The following WWOX variants were observed in gnomAD, a reference collection of about 807,000 sequenced individuals.
WWOX encodes the protein WW domain containing oxidoreductase.
Under a neutral mutation model 46.2 loss-of-function variants are expected in WWOX, and 69 were observed. The observed-to-expected ratio is 1.49, with a 90% CI of 1.23 to 1.82. The LOEUF (loss-of-function observed/expected upper bound fraction) is 1.82, where lower values mean the gene tolerates loss of function less well. Among genes scored for constraint, WWOX ranks in the 40% most tolerant of loss-of-function variants. The pLI, the probability that WWOX is intolerant of heterozygous loss-of-function variation, is 0.00. For synonymous variants in WWOX, 359 were observed against 202.6 expected (o/e 1.77, Z -6.56); for missense variants, 919 against 542.6 (o/e 1.69, Z -6.89).
At chr16:78,231,971 T>G (rs1171444640) in intron 5 of WWOX, among the ~76,000 whole-genome samples, 1 of 152,204 alleles carries the variant, frequency 6.6e-6, no homozygotes, top group Non-Finnish European at 1.5e-5. Context: ...CTGCCTGCTA[T>G]GGAGGTTAAG....
chr16:78,821,517 G>C (rs898709040), intron 8 of WWOX, among the ~76,000 whole-genome samples: 3 of 152,232 alleles, frequency 2.0e-5, no homozygotes, highest in Admixed American at 2.0e-4. Flanking sequence ...ACAGTGACCA[G>C]AGTGTTTGCA....
chr16:78,766,678 T>C (rs1296743881), intron 8 of WWOX, among the ~76,000 whole-genome samples: 1 of 152,220 alleles, frequency 6.6e-6, no homozygotes, highest in African/African-American at 2.4e-5. Context: ...TAATCAAGTT[T>C]GTTAGACTTG....
At chr16:78,829,211 C>T (rs1278250758) in intron 8 of WWOX, among the ~76,000 whole-genome samples, 1 of 152,116 alleles carries the variant, frequency 6.6e-6, no homozygotes, top group Non-Finnish European at 1.5e-5. Flanking sequence ...CGAATTGGCT[C>T]ACACAATTAT....
At chr16:78,434,977 A>G (rs1467549425) in intron 8 of WWOX, among the ~76,000 whole-genome samples, 2 of 152,216 alleles carry the variant, frequency 1.3e-5, no homozygotes, top group Non-Finnish European at 2.9e-5. Context: ...GTTGATTATT[A>G]TCTAATATTT....
intron 5 of WWOX, among the ~76,000 whole-genome samples, chr16:78,287,846 G>C (rs1170990060): frequency 6.6e-6 from 1 of 152,160 alleles, no homozygotes; most frequent in East Asian, 1.9e-4. Context: ...AAAGGCACAA[G>C]AACTGTTTCA....
intron 8 of WWOX, among the ~76,000 whole-genome samples, chr16:79,000,579 G>A (rs2047073618): frequency 6.6e-6 from 1 of 152,156 alleles, no homozygotes; most frequent in African/African-American, 2.4e-5. Flanking sequence ...AGGAATTCAG[G>A]CAGCGTCTAG....
intron 8 of WWOX, among the ~76,000 whole-genome samples, chr16:79,086,508 C>T (rs1468784285): frequency 6.6e-6 from 1 of 152,180 alleles, no homozygotes; most frequent in Non-Finnish European, 1.5e-5. Flanking sequence ...TTTGTCAGTA[C>T]AGTACTATCC....
chr16:78,714,358 A>C (rs2048515007), intron 8 of WWOX, among the ~76,000 whole-genome samples: 2 of 152,082 alleles, frequency 1.3e-5, no homozygotes, highest in Non-Finnish European at 2.9e-5. Flanking sequence ...GAGCCTTTGC[A>C]AGGGAACTGC....
At chr16:78,728,027 C>A (rs1322517538) in intron 8 of WWOX, among the ~76,000 whole-genome samples, 1 of 148,640 alleles carries the variant, frequency 6.7e-6, no homozygotes, top group South Asian at 2.1e-4. Context: ...ATAGATAACT[C>A]CCTTCCTCTT....
At chr16:79,091,218 A>G (rs913529039) in intron 8 of WWOX, among the ~76,000 whole-genome samples, 9 of 152,168 alleles carry the variant, frequency 5.9e-5, no homozygotes, top group Admixed American at 5.2e-4. Context: ...AACAAAACAA[A>G]CAATGTGAAC....
intron 8 of WWOX, among the ~76,000 whole-genome samples, chr16:78,540,016 T>TCACACACACACACA (rs748514681): frequency 2.3e-4 from 28 of 120,822 alleles, no homozygotes; most frequent in Admixed American, 2.0e-3. Context: ...TCTCTCTCTC[T>TCACACACACACACA]CTCTCACACA....
intron 5 of WWOX, among the ~76,000 whole-genome samples, chr16:78,334,808 G>GCGCGCGCGCGCACA (rs1555521509): frequency 1.3e-5 from 1 of 78,754 alleles, no homozygotes; most frequent in Non-Finnish European, 2.9e-5. Context: ...ACACACACAC[G>GCGCGCGCGCGCACA]CACACACACA....
At chr16:78,723,512 A>AC in intron 8 of WWOX, among the ~76,000 whole-genome samples, 1 of 108,232 alleles carries the variant, frequency 9.2e-6, no homozygotes, top group East Asian at 2.7e-4. Flanking sequence ...ATCTTCTACT[A>AC]CCTTCTTCTA....
chr16:78,422,660 C>CATATATATATATATATATATAT (rs1388283094), intron 6 of WWOX, among the ~76,000 whole-genome samples: 2 of 6,526 alleles, frequency 3.1e-4, no homozygotes, highest in Non-Finnish European at 1.2e-3. Context: ...GTTTTTTTTA[C>CATATATATATATATATATATAT]ATGTATATAT....
At chr16:79,144,107 C>T (rs937668975) in intron 8 of WWOX, among the ~76,000 whole-genome samples, 2 of 152,148 alleles carry the variant, frequency 1.3e-5, no homozygotes, top group African/African-American at 2.4e-5. Flanking sequence ...CTATGTTGCC[C>T]AGGCTTGTCT....
chr16:78,271,953 A>T (rs889369800), intron 5 of WWOX, among the ~76,000 whole-genome samples: 1 of 152,178 alleles, frequency 6.6e-6, no homozygotes, highest in African/African-American at 2.4e-5. Flanking sequence ...GGTCAGGCAG[A>T]TGGAGGTTCT....
chr16:78,540,529 A>G (rs1264016351), intron 8 of WWOX, among the ~76,000 whole-genome samples: 2 of 152,278 alleles, frequency 1.3e-5, no homozygotes, highest in South Asian at 2.1e-4. Flanking sequence ...CAGATAAACA[A>G]CATGTCATTT....
chr16:78,631,864 T>G (rs1315060526), intron 8 of WWOX, among the ~76,000 whole-genome samples: 1 of 152,206 alleles, frequency 6.6e-6, no homozygotes, highest in Non-Finnish European at 1.5e-5. Flanking sequence ...TAGGAGAAGC[T>G]TGCTCTCTTT....
intron 3 of WWOX, among the ~76,000 whole-genome samples, chr16:78,111,102 G>A (rs1008011776): frequency 6.6e-6 from 1 of 151,998 alleles, no homozygotes; most frequent in East Asian, 1.9e-4. Flanking sequence ...CCTCCTCTGA[G>A]TGTGAGTCCA....
Sources: allele counts gnomAD v4.1 joint callset (sites outside exome capture counted in the v4.1 genomes callset), GRCh38; gene constraint gnomAD v4.1.1; transcripts MANE v1.5; gene names NCBI Gene and HGNC (gene_info 2026-07-23, HGNC 2026-07-21).